The following SLC38A4 variants were observed in gnomAD, a reference collection of about 807,000 sequenced individuals.
The protein encoded by SLC38A4 is solute carrier family 38 member 4.
In SLC38A4, 20 loss-of-function variants were observed where a neutral mutation model predicts 63.1. That is an observed-to-expected ratio of 0.32 (90% CI 0.22 to 0.46). The LOEUF (loss-of-function observed/expected upper bound fraction) is 0.46, where lower values mean the gene tolerates loss of function less well. Among genes scored for constraint, SLC38A4 ranks in the 20% least tolerant of loss-of-function variants. The probability of loss-of-function intolerance (pLI) is 1.00; values close to 1 mark genes in which losing one functional copy is unlikely to be tolerated. For synonymous variants in SLC38A4, 230 were observed against 225.5 expected, an observed-to-expected ratio of 1.02 and a Z score of -0.18; for missense variants, 526 against 663.6, an observed-to-expected ratio of 0.79 and a Z score of 2.28.
chr12:46,788,678 T>C (rs949109891), intron 3 of SLC38A4, 60 bp from the exon 4 acceptor site: 3 of 1,436,356 alleles, frequency 2.1e-6, no homozygotes, highest in African/African-American at 1.4e-5. Context: ...CTCTGAATCA[T>C]ATGTATGTTT....
At chr12:46,795,865 C>T (rs906261548) in intron 2 of SLC38A4, among the ~76,000 whole-genome samples, 3 of 152,096 alleles carry the variant, frequency 2.0e-5, no homozygotes, top group Admixed American at 6.6e-5. Context: ...TTCATCACGA[C>T]GTGACTAGAT....
intron 2 of SLC38A4, among the ~76,000 whole-genome samples, chr12:46,803,187 A>G (rs1207959558): frequency 6.6e-6 from 1 of 152,060 alleles, no homozygotes; most frequent in Non-Finnish European, 1.5e-5. Flanking sequence ...TGTTTTCAAG[A>G]TAAACAAAAA....
intron 1 of SLC38A4, among the ~76,000 whole-genome samples, chr12:46,815,105 T>C (rs1939411868): frequency 6.6e-6 from 1 of 151,740 alleles, no homozygotes. Flanking sequence ...TTATCTCATG[T>C]AATCACAGTT....
rs1330862116 is a variant in SLC38A4 at position 46,825,953 on chromosome 12, A to G, written c.-355T>C. On this transcript the variant is annotated 5_prime_UTR_variant, in exon 1 of 17. Transcript: ENST00000266579. ...GGCAGCCTCCCGCGATCCTCCGTGC[A>G]CGCCACCACCCGGCTCATGCTCCAG... The G allele has an allele frequency of 1.3e-5, 2 of 152,488 alleles. No individual in the cohort carries two copies. The highest frequency in any genetic ancestry group is 6.5e-5 in the Admixed American group (1 of 15,290). 9.4% of individuals were successfully genotyped at this position (152,488 alleles called of 1,614,324 possible).
chr12:46,794,154 T>C (rs1938952591), intron 2 of SLC38A4, among the ~76,000 whole-genome samples: 2 of 152,076 alleles, frequency 1.3e-5, no homozygotes, highest in Admixed American at 6.6e-5. Context: ...AACATAAAAA[T>C]TGCTCCAGAA....
Position 46,765,645 on chromosome 12 carries a change from A to G in SLC38A4, c.*1056T>C. On this transcript the variant is annotated 3_prime_UTR_variant, in exon 17 of 17. Transcript: ENST00000266579. ...TTAATTCCCTGCCCCCACCCCCAAT[A>G]ATATAAATGCTTTGACTGTGAAGAA... 5.4e-6 allele frequency: 1 copy of G among 184,552 alleles called. No homozygotes were observed. The highest frequency in any genetic ancestry group is 1.2e-5 in the Non-Finnish European group (1 of 86,012). The allele number at this position is 184,552 out of a possible 1,614,324, so 11.4% of individuals were successfully genotyped here. A position where few individuals can be genotyped will look rare whatever the true frequency, so the allele number is the denominator to read the frequency against.
chr12:46,774,452 A>G (rs1268927641), intron 14 of SLC38A4, among the ~76,000 whole-genome samples: 1 of 152,090 alleles, frequency 6.6e-6, no homozygotes, highest in African/African-American at 2.4e-5. Flanking sequence ...ACTGACACCA[A>G]TGACAAATGC....
rs1047044103 is a variant in SLC38A4, at chr12:46,803,767, A to G, written c.-277T>C. 6.8e-6 allele frequency: 1 copy of G among 147,948 alleles called. No individual in the cohort carries two copies. Among genetic ancestry groups the G allele is most frequent in the Non-Finnish European group, 1.5e-5 (1 of 67,130 alleles). 9.2% of individuals were successfully genotyped at this position (147,948 alleles called of 1,614,324 possible). ...ATCAACACCACCACCTCACCCCAAC[A>G]CCTCCTTCTGTCCAACTTGCGTCAG... is the stretch of plus-strand genomic sequence containing the variant. On this transcript the variant is annotated 5_prime_UTR_variant, in exon 2 of 17. Coordinates refer to ENST00000266579, the MANE Select transcript of SLC38A4 (RefSeq NM_018018.5).
chr12:46,772,694 A>G (rs964417225), intron 14 of SLC38A4, among the ~76,000 whole-genome samples: 1 of 152,116 alleles, frequency 6.6e-6, no homozygotes, highest in African/African-American at 2.4e-5. Context: ...ACCTGATTGG[A>G]AAAAAGAAAG....
chr12:46,792,838 A>G, intron 3 of SLC38A4, 115 bp downstream of exon 3: 1 of 740,426 alleles, frequency 1.4e-6, no homozygotes, highest in Non-Finnish European at 2.4e-6. Flanking sequence ...CATCAATATC[A>G]TTGTTATCAC....
chr12:46,778,564 T>G lies in SLC38A4; in HGVS notation c.930A>C (p.Gly310=). 6.2e-7 allele frequency: 1 copy of G among 1,613,004 alleles called. No individual in the cohort carries two copies. Among genetic ancestry groups the G allele is most frequent in the Non-Finnish European group, 8.5e-7 (1 of 1,179,394 alleles). ...CATCACTATGAGCTTCATATTCTAC[T>G]CCACTGTCATGAAGAGAGCCCTTGG... The part of the protein sequence containing the change: ...NQAKGSLHDS[G]VEYEAHSDDK... Residue 310 remains glycine (G), a synonymous_variant, in exon 11 of 17, where the codon GGA becomes GGC. Coordinates refer to ENST00000266579, the MANE Select transcript of SLC38A4 (RefSeq NM_018018.5).
At chr12:46,829,546 A>G (rs1939703158), upstream of SLC38A4, among the ~76,000 whole-genome samples, 1 of 152,192 alleles carries the variant, frequency 6.6e-6, no homozygotes, top group Admixed American at 6.5e-5. Flanking sequence ...GAAGTCCACA[A>G]GCTGTTAAGT....
chr12:46,823,476 T>G (rs539982885), intron 1 of SLC38A4, among the ~76,000 whole-genome samples: 2 of 152,244 alleles, frequency 1.3e-5, no homozygotes, highest in Non-Finnish European at 2.9e-5. Context: ...TGATGTTTCT[T>G]CATGTTGAGA....
chr12:46,797,452 C>T (rs1161358771), intron 2 of SLC38A4, among the ~76,000 whole-genome samples: 1 of 152,146 alleles, frequency 6.6e-6, no homozygotes, highest in Non-Finnish European at 1.5e-5. Flanking sequence ...GGAGCTCCTG[C>T]TTCCCAGACC....
intron 12 of SLC38A4, among the ~76,000 whole-genome samples, chr12:46,777,757 C>G (rs796949302): frequency 1.3e-5 from 2 of 151,900 alleles, no homozygotes; most frequent in African/African-American, 4.8e-5. Flanking sequence ...ACAAATGAAC[C>G]ATAGACCATC....
At chr12:46,799,365 G>A (rs74832478) in intron 2 of SLC38A4, among the ~76,000 whole-genome samples, 1 of 152,064 alleles carries the variant, frequency 6.6e-6, no homozygotes, top group Non-Finnish European at 1.5e-5. Flanking sequence ...GCTTTGGGAG[G>A]CTGAGGAGGG....
intron 14 of SLC38A4, among the ~76,000 whole-genome samples, chr12:46,773,063 G>C (rs1382021970): frequency 6.6e-6 from 1 of 152,030 alleles, no homozygotes; most frequent in Non-Finnish European, 1.5e-5. Flanking sequence ...TTTAGCTTCA[G>C]AGGACTTGAT....
At chr12:46,771,533 T>C (rs1312454455) in intron 14 of SLC38A4, among the ~76,000 whole-genome samples, 1 of 152,000 alleles carries the variant, frequency 6.6e-6, no homozygotes, top group East Asian at 1.9e-4. Context: ...TCACAGAAAG[T>C]TTATGGCAAT....
intron 16 of SLC38A4, among the ~76,000 whole-genome samples, chr12:46,767,170 TATG>T (rs1461619278): frequency 1.3e-5 from 2 of 152,040 alleles, no homozygotes; most frequent in African/African-American, 4.8e-5. Context: ...GCATATATGA[TATG>T]ATTCTAATTT....
Sources: gnomAD v4.1 joint callset for allele counts (sites outside exome capture counted in the v4.1 genomes callset) on GRCh38, gnomAD v4.1.1 for gene constraint, MANE v1.5 for transcripts, NCBI Gene and HGNC (gene_info 2026-07-23, HGNC 2026-07-21) for gene names.